KCNK10: variants seen among roughly 807,000 people sequenced by gnomAD.
KCNK10 encodes potassium two pore domain channel subfamily K member 10.
In KCNK10, 25 loss-of-function variants were observed where a neutral mutation model predicts 47.7. The observed-to-expected ratio is 0.52, with a 90% confidence interval of 0.38 to 0.73. The LOEUF (loss-of-function observed/expected upper bound fraction) is 0.73, where lower values mean the gene tolerates loss of function less well. Among genes scored for constraint, KCNK10 ranks in the 30% least tolerant of loss-of-function variants. KCNK10 has a pLI of 0.00. For synonymous variants in KCNK10, 303 were observed against 285.6 expected (o/e 1.06, Z -0.61); for missense variants, 563 against 714.5 (o/e 0.79, Z 2.42).
At chr14:88,204,832 T>C (rs1312293256) in intron 4 of KCNK10, among the ~76,000 whole-genome samples, 1 of 152,172 alleles carries the variant, frequency 6.6e-6, no homozygotes, top group Non-Finnish European at 1.5e-5. Flanking sequence ...CCTTCCCCAC[T>C]ATCAACATCC....
chr14:88,208,525 C>A (rs1310209128), intron 4 of KCNK10, among the ~76,000 whole-genome samples: 1 of 152,138 alleles, frequency 6.6e-6, no homozygotes, highest in East Asian at 1.9e-4. Context: ...ACAGCAATGT[C>A]AGGAAAAGGA....
At chr14:88,317,643 G>A (rs1017542456) in intron 1 of KCNK10, among the ~76,000 whole-genome samples, 2 of 152,200 alleles carry the variant, frequency 1.3e-5, no homozygotes, top group African/African-American at 4.8e-5. Context: ...CCCCAGCTCT[G>A]CCTGTTTGTT....
At position 88,185,669 on chromosome 14, in the gene KCNK10, T is replaced by C. The variant is rs200535820; in HGVS notation, c.1498A>G (p.Asn500Asp). 42 of 1,614,206 alleles carry C rather than the reference T, an allele frequency of 2.6e-5. No individual in the cohort carries two copies. The African/African-American group carries it at 5.1e-4, about 19-fold the overall frequency. ...ATGGCTGTGCTGGAGTTGTCTGAGT[T>C]ACACATCTTTTCCGTCTCCTCCTCT... is the stretch of plus-strand genomic sequence containing the variant. ...KKEEETEKMC[N>D]SDNSSTAMLT... The change falls in exon 7 of 7, where the codon AAC (asparagine) becomes GAC (aspartate). Residue 500 changes from asparagine to aspartate, a missense_variant. Transcript: ENST00000319231. This position sits in a 1 kb window ranked among gnomAD's most constrained non-coding sequence, Gnocchi z 4.3.
At chr14:88,213,908 C>G (rs1232791873) in intron 4 of KCNK10, among the ~76,000 whole-genome samples, 1 of 135,334 alleles carries the variant, frequency 7.4e-6, no homozygotes, top group East Asian at 2.1e-4. Flanking sequence ...ACTCTATGCT[C>G]TTTTTATTTT....
chr14:88,248,488 G>A (rs1472422208), intron 2 of KCNK10, among the ~76,000 whole-genome samples: 1 of 152,050 alleles, frequency 6.6e-6, no homozygotes, highest in Admixed American at 6.5e-5. Flanking sequence ...CCATACTTTG[G>A]GAGGCTGAGA....
At chr14:88,216,115 G>C (rs1389923792) in intron 4 of KCNK10, among the ~76,000 whole-genome samples, 1 of 152,150 alleles carries the variant, frequency 6.6e-6, no homozygotes, top group Non-Finnish European at 1.5e-5. Flanking sequence ...CAAGTCTCCA[G>C]GCATTTTTGC....
At position 88,301,916 on chromosome 14, in the gene KCNK10, G is replaced by A. The variant is rs1888108401; in HGVS notation, c.52+20831C>T. On this transcript the variant is annotated intron_variant, in intron 1 of 6. Coordinates refer to ENST00000319231, the MANE Select transcript of KCNK10 (RefSeq NM_138317.3). The stretch of plus-strand genomic sequence containing the variant: ...TTCATATTTTTAAAAGATCATTGTG[G>A]CTGTTCCACGGAGGATCAATTATTG... Among the ~76,000 whole-genome samples, 4 of 152,176 alleles carry A rather than the reference G, an allele frequency of 2.6e-5. No homozygotes were observed. In the South Asian group the frequency reaches 8.3e-4, roughly 32 times the overall value.
chr14:88,295,651 C>T (rs1440216583), intron 1 of KCNK10, among the ~76,000 whole-genome samples: 1 of 152,098 alleles, frequency 6.6e-6, no homozygotes, highest in Non-Finnish European at 1.5e-5. Context: ...CAGAGCTAGA[C>T]TCCATCTCAA....
At chr14:88,252,993 T>C (rs184312479) in intron 2 of KCNK10, among the ~76,000 whole-genome samples, 64 of 152,314 alleles carry the variant, frequency 4.2e-4, no homozygotes, top group African/African-American at 1.5e-3. Flanking sequence ...AGAGTACGAT[T>C]AAGAGAGCGT....
intron 2 of KCNK10, among the ~76,000 whole-genome samples, chr14:88,243,153 C>G (rs1886529194): frequency 7.9e-5 from 12 of 152,160 alleles, no homozygotes; most frequent in Admixed American, 7.9e-4. Flanking sequence ...ACCTATGTAA[C>G]CCTCAAGGAA....
At chr14:88,213,014 C>T (rs1885510360) in intron 4 of KCNK10, among the ~76,000 whole-genome samples, 1 of 152,166 alleles carries the variant, frequency 6.6e-6, no homozygotes, top group Non-Finnish European at 1.5e-5. Flanking sequence ...ACTGGCACAC[C>T]TTTCAATAAT....
intron 4 of KCNK10, among the ~76,000 whole-genome samples, chr14:88,204,754 G>C (rs1885210407): frequency 6.6e-6 from 1 of 151,442 alleles, no homozygotes; most frequent in African/African-American, 2.4e-5. Flanking sequence ...AACCATTTTT[G>C]CTTCACAGCA....
chr14:88,257,181 C>T (rs559244595), intron 2 of KCNK10, among the ~76,000 whole-genome samples: 1 of 152,156 alleles, frequency 6.6e-6, no homozygotes, highest in Non-Finnish European at 1.5e-5. Context: ...AACTGGTCTT[C>T]CTTCTTCCCG....
intron 2 of KCNK10, among the ~76,000 whole-genome samples, chr14:88,241,691 T>C (rs1393360773): frequency 2.0e-5 from 3 of 152,244 alleles, no homozygotes; most frequent in Non-Finnish European, 2.9e-5. Context: ...TGTACTTATG[T>C]ACCTGTGCCC....
chr14:88,235,864 T>G (rs1178121262), intron 3 of KCNK10, among the ~76,000 whole-genome samples: 2 of 152,256 alleles, frequency 1.3e-5, no homozygotes, highest in Non-Finnish European at 2.9e-5. Context: ...CAAAACCTAG[T>G]AATGTTATCA....
rs1053426075 is a variant in KCNK10 at position 88,216,408 on chromosome 14, G to C, written c.681+10967C>G. Among the ~76,000 whole-genome samples, 5 of 152,130 alleles carry C rather than the reference G, an allele frequency of 3.3e-5. No individual in the cohort carries two copies. In the East Asian group the frequency reaches 7.7e-4, roughly 23 times the overall value. Reference sequence around the variant, plus strand: ...CTGAGGACACATTTAGTAATGTCTGGAGACATTTTGGCTGTCATAACTGCG... The same window carrying C: ...CTGAGGACACATTTAGTAATGTCTGCAGACATTTTGGCTGTCATAACTGCG... On this transcript the variant is annotated intron_variant, in intron 4 of 6. Coordinates refer to ENST00000319231, the MANE Select transcript of KCNK10 (RefSeq NM_138317.3).
chr14:88,254,572 G>A (rs181536725), intron 2 of KCNK10, among the ~76,000 whole-genome samples: 5 of 152,242 alleles, frequency 3.3e-5, no homozygotes, highest in East Asian at 3.9e-4. Context: ...ACGCTTCCCC[G>A]TCAGTCAGCG....
intron 2 of KCNK10, among the ~76,000 whole-genome samples, chr14:88,258,426 G>A (rs1289837085): frequency 6.6e-6 from 1 of 152,018 alleles, no homozygotes; most frequent in Non-Finnish European, 1.5e-5. Context: ...GAGTGGCTGG[G>A]ATTACAGGCA....
chr14:88,220,981 T>C (rs951210881), intron 4 of KCNK10, among the ~76,000 whole-genome samples: 10 of 151,582 alleles, frequency 6.6e-5, no homozygotes, highest in Non-Finnish European at 1.2e-4. Context: ...GCAAAGGATA[T>C]ACTTGATAAA....
Sources: allele counts gnomAD v4.1 joint callset (sites outside exome capture counted in the v4.1 genomes callset), GRCh38; gene constraint gnomAD v4.1.1; non-coding constraint Gnocchi (gnomAD v3.1); transcripts MANE v1.5; gene names NCBI Gene and HGNC (gene_info 2026-07-23, HGNC 2026-07-21).